OSBP2: variants seen among roughly 807,000 people sequenced by gnomAD.
OSBP2 encodes the protein oxysterol binding protein 2.
OSBP2 carries 66 observed loss-of-function variants against 96.0 expected under a neutral mutation model. The observed-to-expected ratio is 0.69, with a 90% CI of 0.56 to 0.84. The LOEUF is 0.84. OSBP2 is among the 40% of genes least tolerant of loss of function. OSBP2 has a pLI of 0.00. For synonymous variants in OSBP2, 525 were observed against 520.9 expected (o/e 1.01, Z -0.11); for missense variants, 1,038 against 1,222.7 (o/e 0.85, Z 2.25).
chr22:30,736,425 A>G (rs1171511638), intron 1 of OSBP2, among the ~76,000 whole-genome samples: 1 of 152,130 alleles, frequency 6.6e-6, no homozygotes, highest in Non-Finnish European at 1.5e-5. Flanking sequence ...ACCAGATCCT[A>G]TGATGGGGGC....
chr22:30,743,075 T>C (rs2089960438), intron 2 of OSBP2, among the ~76,000 whole-genome samples: 1 of 152,222 alleles, frequency 6.6e-6, no homozygotes, highest in African/African-American at 2.4e-5. Context: ...ATTAGTGGAA[T>C]GGTGTATTCC....
chr22:30,712,277 A>G lies in OSBP2; in HGVS notation c.644+16724A>G, dbSNP rs185072256. On this transcript the variant is annotated intron_variant, in intron 1 of 13. Coordinates refer to ENST00000332585, the MANE Select transcript of OSBP2 (RefSeq NM_030758.4). ...TTTTCCTCCCACCTGGCAGAATGAC[A>G]TCTTTGTTTCTCTAGAGCAGTACAT... Among the ~76,000 whole-genome samples, 1,266 of 152,238 alleles carry G rather than the reference A, an allele frequency of 8.3e-3. 20 individuals are homozygous for G. The highest frequency in any genetic ancestry group is 0.027 in the African/African-American group (1,121 of 41,538).
At chr22:30,761,256 T>C (rs1373019357) in intron 2 of OSBP2, among the ~76,000 whole-genome samples, 4 of 152,148 alleles carry the variant, frequency 2.6e-5, no homozygotes, top group Non-Finnish European at 1.5e-5. Context: ...TTTAACAAGG[T>C]CACAGAATAC....
chr22:30,865,137 G>A (rs2039306859), intron 2 of OSBP2, among the ~76,000 whole-genome samples: 1 of 152,170 alleles, frequency 6.6e-6, no homozygotes. Context: ...ATGATTCCAT[G>A]GCAATCCACT....
chr22:30,773,857 C>T (rs1430390960), intron 2 of OSBP2, among the ~76,000 whole-genome samples: 1 of 152,066 alleles, frequency 6.6e-6, no homozygotes, highest in Admixed American at 6.6e-5. Flanking sequence ...GAGAGCTAAG[C>T]TAGAGAGGCA....
At chr22:30,778,323 A>ACACACACACC (rs2090465045) in intron 2 of OSBP2, among the ~76,000 whole-genome samples, 1 of 151,582 alleles carries the variant, frequency 6.6e-6, no homozygotes, top group Non-Finnish European at 1.5e-5. Context: ...ACACACACAC[A>ACACACACACC]CACACACACA....
chr22:30,829,625 C>G (rs1286343438), intron 2 of OSBP2, among the ~76,000 whole-genome samples: 1 of 152,218 alleles, frequency 6.6e-6, no homozygotes, highest in African/African-American at 2.4e-5. Flanking sequence ...GGGCCCTTAC[C>G]TCTACTTATT....
chr22:30,755,819 A>G (rs2090132959), intron 2 of OSBP2, among the ~76,000 whole-genome samples: 1 of 151,880 alleles, frequency 6.6e-6, no homozygotes, highest in African/African-American at 2.4e-5. Context: ...TCCCTGTGCC[A>G]CTCATTCTTC....
At chr22:30,845,878 C>CAAA (rs544099138) in intron 2 of OSBP2, among the ~76,000 whole-genome samples, 70 of 70,412 alleles carry the variant, frequency 9.9e-4, no homozygotes, top group African/African-American at 1.8e-3. Context: ...GAGACTCTCT[C>CAAA]AAAAAAAAAA....
At chr22:30,896,901 G>C (rs2147176095) in intron 12 of OSBP2, among the ~76,000 whole-genome samples, 1 of 152,214 alleles carries the variant, frequency 6.6e-6, no homozygotes, top group South Asian at 2.1e-4. Flanking sequence ...TCCAGCCTCA[G>C]CCTCTCAAAG....
At chr22:30,812,930 C>T (rs1337071344) in intron 2 of OSBP2, among the ~76,000 whole-genome samples, 1 of 149,770 alleles carries the variant, frequency 6.7e-6, no homozygotes, top group East Asian at 2.0e-4. Context: ...TATTTGTTGC[C>T]ATTGTTACTC....
intron 2 of OSBP2, among the ~76,000 whole-genome samples, chr22:30,823,797 A>T (rs1223145640): frequency 6.6e-6 from 1 of 152,184 alleles, no homozygotes; most frequent in Non-Finnish European, 1.5e-5. Flanking sequence ...CTTGCAAGTA[A>T]ATTTCGTCCA....
chr22:30,870,549 A>AG lies in OSBP2; in HGVS notation c.975dup (p.His326AlafsTer20), dbSNP rs761395006. 1 of 1,614,092 alleles carries AG rather than the reference A, an allele frequency of 6.2e-7. No homozygotes were observed. Among genetic ancestry groups the AG allele is most frequent in the Non-Finnish European group, 8.5e-7 (1 of 1,179,998 alleles). ...AGCACGTGCAATGACCTCATCGCCA[A>AG]GCACGGCGCTGCACTCCAGCGCTCC... On this transcript the variant is annotated frameshift_variant, in exon 3 of 14. Transcript: ENST00000332585. LOFTEE classifies it high-confidence loss of function. This position sits in a 1 kb window ranked among gnomAD's most constrained non-coding sequence, Gnocchi z 4.1.
At chr22:30,742,327 G>T (rs188240347) in intron 2 of OSBP2, among the ~76,000 whole-genome samples, 1 of 151,860 alleles carries the variant, frequency 6.6e-6, no homozygotes, top group Non-Finnish European at 1.5e-5. Context: ...AGCTACTCAG[G>T]AGGCTGAGGC....
chr22:30,848,330 C>CATATATATAAATG (rs2038912327), intron 2 of OSBP2, among the ~76,000 whole-genome samples: 1 of 152,088 alleles, frequency 6.6e-6, no homozygotes, highest in Non-Finnish European at 1.5e-5. Context: ...TTGAAATGTA[C>CATATATATAAATG]ATTTATATAT....
At chr22:30,694,241 C>A, upstream of OSBP2, 1 of 1,549,800 alleles carries the variant, frequency 6.5e-7, no homozygotes. Context: ...GGCAGCGAAG[C>A]GCCTTGGCAT....
chr22:30,708,622 G>A (rs2089294903), intron 1 of OSBP2, among the ~76,000 whole-genome samples: 1 of 149,658 alleles, frequency 6.7e-6, no homozygotes. Flanking sequence ...CCGAGTAGCT[G>A]GGATTACAGG....
At chr22:30,868,811 G>A (rs537133890) in intron 2 of OSBP2, among the ~76,000 whole-genome samples, 112 of 152,174 alleles carry the variant, frequency 7.4e-4, no homozygotes, top group Non-Finnish European at 9.3e-4. Flanking sequence ...TGGACACCAC[G>A]TGCACTCGGA....
At position 30,870,383 on chromosome 22, in the gene OSBP2, CCA is replaced by C; in HGVS notation, c.854-44_854-43del. 1 of 1,603,204 alleles carries C rather than the reference CCA, an allele frequency of 6.2e-7. No homozygotes were observed. Among genetic ancestry groups the C allele is most frequent in the Non-Finnish European group, 8.5e-7 (1 of 1,175,426 alleles). On this transcript the variant is annotated intron_variant, in intron 2 of 13. Coordinates refer to ENST00000332585, the MANE Select transcript of OSBP2 (RefSeq NM_030758.4). The surrounding 1 kb of genome is among the most constrained non-coding windows in gnomAD (Gnocchi z 4.1). ...GCCTGGCTGTGCAGGCCTCTTGGTA[CCA>C]CGTCTGTTCGTAATGACCGTAACAA...
Sources: gnomAD v4.1 joint callset for allele counts (sites outside exome capture counted in the v4.1 genomes callset) on GRCh38, gnomAD v4.1.1 for gene constraint, Gnocchi (gnomAD v3.1) non-coding constraint, MANE v1.5 for transcripts, NCBI Gene and HGNC (gene_info 2026-07-23, HGNC 2026-07-21) for gene names.